Variants in LRRC49 observed in about 807,000 individuals in gnomAD.
LRRC49 encodes leucine rich repeat containing 49, also known as leucine-rich repeat-containing protein 49.
A neutral mutation model predicts 83.3 loss-of-function variants in LRRC49; 50 were observed. The observed-to-expected ratio is 0.60, with a 90% CI of 0.48 to 0.76. The LOEUF (loss-of-function observed/expected upper bound fraction) is 0.76. Ranked by LOEUF, LRRC49 falls within the 30% of genes least tolerant of loss-of-function variation. The probability of loss-of-function intolerance (pLI) is 0.00; values close to 1 mark genes in which losing one functional copy is unlikely to be tolerated. For missense variants in LRRC49, 704 were observed against 809.1 expected, an observed-to-expected ratio of 0.87 and a Z score of 1.58; for synonymous variants, 286 against 283.3, an observed-to-expected ratio of 1.01 and a Z score of -0.10.
At chr15:70,929,212 G>A (rs922596673) in intron 7 of LRRC49, among the ~76,000 whole-genome samples, 6 of 151,942 alleles carry the variant, frequency 3.9e-5, no homozygotes, top group African/African-American at 1.5e-4. Flanking sequence ...TTCTAATGCA[G>A]GTATACCTTA....
At chr15:71,041,823 A>G (rs1567114003) in intron 15 of LRRC49, among the ~76,000 whole-genome samples, 1 of 152,198 alleles carries the variant, frequency 6.6e-6, no homozygotes, top group Non-Finnish European at 1.5e-5. Flanking sequence ...AACAATGAGA[A>G]GAAGGCTAGC....
intron 7 of LRRC49, among the ~76,000 whole-genome samples, chr15:70,919,658 A>G (rs945956214): frequency 2.6e-5 from 4 of 152,202 alleles, no homozygotes; most frequent in African/African-American, 7.2e-5. Flanking sequence ...ACAGGGCATC[A>G]GAGGCCTAGT....
At chr15:70,892,663 G>A, upstream of LRRC49, 4 of 1,448,100 alleles carry the variant, frequency 2.8e-6, no homozygotes, top group Non-Finnish European at 2.7e-6. Context: ...TTATGAGGCT[G>A]GGAAAATAGA....
chr15:70,911,489 T>C, intron 5 of LRRC49, 43 bp from the exon 6 acceptor site: 1 of 1,086,038 alleles, frequency 9.2e-7, no homozygotes, highest in East Asian at 2.4e-5. Flanking sequence ...TACAGATAGA[T>C]GTGATACATC....
Position 70,853,931 on chromosome 15 carries a change from C to T in LRRC49, c.-299+462C>T, listed in dbSNP as rs1380250767. ...CTCCTCCTCGCTCGCGCTGCCCCAG[C>T]CGGGGCTGAGGTACCGGGCCGGGTC... On this transcript the variant is annotated intron_variant, in intron 1 of 16. Transcript: ENST00000544974. 7 of 1,419,828 alleles carry T rather than the reference C, an allele frequency of 4.9e-6. No individual in the cohort carries two copies. The East Asian group carries it at 1.9e-4, about 38-fold the overall frequency. 88.0% of individuals were successfully genotyped at this position (1,419,828 alleles called of 1,614,324 possible).
Position 70,904,652 on chromosome 15 carries a change from C to T in LRRC49, c.397C>T (p.Leu133=), listed in dbSNP as rs1046774345. 6.2e-7 allele frequency: 1 copy of T among 1,612,618 alleles called. No homozygotes were observed. Among genetic ancestry groups the T allele is most frequent in the South Asian group, 1.1e-5 (1 of 91,014 alleles). The change falls in exon 5 of 16, where the codon CTA becomes TTA. Residue 133 remains leucine (L), a synonymous_variant. Coordinates refer to ENST00000260382, the MANE Select transcript of LRRC49 (RefSeq NM_017691.5). Reference sequence around the variant, plus strand: ...AACTCGGATACAAAATATTTCTAATCTACAGAAGTTAATATCGTTGGATTT... The same window carrying T: ...AACTCGGATACAAAATATTTCTAATTTACAGAAGTTAATATCGTTGGATTT... ...FITRIQNISN[L]QKLISLDLYD...
intron 8 of LRRC49, among the ~76,000 whole-genome samples, chr15:70,953,536 C>G (rs980208461): frequency 3.9e-5 from 6 of 152,144 alleles, no homozygotes; most frequent in African/African-American, 1.4e-4. Flanking sequence ...AAGTTTTTCT[C>G]TAGATGCTTT....
chr15:70,875,361 G>T (rs909873877), intron 2 of LRRC49, among the ~76,000 whole-genome samples: 2 of 152,198 alleles, frequency 1.3e-5, no homozygotes, highest in Non-Finnish European at 2.9e-5. Flanking sequence ...TGGGTAAGGG[G>T]TTGATGGGTT....
intron 9 of LRRC49, among the ~76,000 whole-genome samples, chr15:70,966,268 G>A (rs545402313): frequency 1.1e-3 from 161 of 152,222 alleles, no homozygotes; most frequent in African/African-American, 3.7e-3. Flanking sequence ...TGCGTGCAGA[G>A]GATGCTGCAG....
intron 9 of LRRC49, among the ~76,000 whole-genome samples, chr15:70,977,383 G>T (rs1293119522): frequency 6.6e-6 from 1 of 152,088 alleles, no homozygotes; most frequent in Non-Finnish European, 1.5e-5. Context: ...GGTGGCTCAC[G>T]CCTGTAATTG....
chr15:70,873,160 C>G, exon 2 of LRRC49: 1 of 1,523,412 alleles, frequency 6.6e-7, no homozygotes, highest in Non-Finnish European at 8.8e-7. Flanking sequence ...GTTGGGATTA[C>G]AGGAGTGAGC....
chr15:70,939,541 A>G (rs2035726894), intron 8 of LRRC49, among the ~76,000 whole-genome samples: 1 of 152,142 alleles, frequency 6.6e-6, no homozygotes, highest in Admixed American at 6.5e-5. Context: ...TCTTGCCCAT[A>G]ATTTCTAGAG....
intron 14 of LRRC49, among the ~76,000 whole-genome samples, chr15:71,035,336 G>GT (rs201688580): frequency 0.016 from 2,437 of 151,654 alleles, 42 homozygotes; most frequent in Non-Finnish European, 0.026. Flanking sequence ...CATTATTATT[G>GT]TTTTTTTTAA....
rs193134010 is a variant in LRRC49, at chr15:71,011,467, A to G, written c.1594-1337A>G. ...TTAGAAAGAATTAGAAAGAACCAATATAATTTATTCTGATTTAAATTTCTG... is the reference window on the plus strand; with the variant it reads ...TTAGAAAGAATTAGAAAGAACCAATGTAATTTATTCTGATTTAAATTTCTG... On this transcript the variant is annotated intron_variant, in intron 13 of 15. Transcript: ENST00000260382. Among the ~76,000 whole-genome samples the G allele has an allele frequency of 2.4e-3, 358 of 152,268 alleles. 1 individual carries two copies. Among genetic ancestry groups the G allele is most frequent in the Non-Finnish European group, 3.4e-3 (234 of 68,008 alleles).
At chr15:70,950,680 T>G (rs1485341057) in intron 8 of LRRC49, among the ~76,000 whole-genome samples, 1 of 152,238 alleles carries the variant, frequency 6.6e-6, no homozygotes, top group Non-Finnish European at 1.5e-5. Context: ...GATGCATAGT[T>G]TGCAAATATT....
At chr15:71,029,112 C>A (rs2039267039) in intron 14 of LRRC49, among the ~76,000 whole-genome samples, 1 of 152,154 alleles carries the variant, frequency 6.6e-6, no homozygotes, top group African/African-American at 2.4e-5. Flanking sequence ...CTTAACACTG[C>A]TTTAGCTGTG....
intron 7 of LRRC49, 162 bp from the exon 8 acceptor site, chr15:70,936,599 T>C: frequency 1.8e-6 from 1 of 565,792 alleles, no homozygotes; most frequent in Non-Finnish European, 3.1e-6. Context: ...TCCCATTTAA[T>C]CTGCAGTGGA....
chr15:70,950,320 G>T (rs1050326727), intron 8 of LRRC49, among the ~76,000 whole-genome samples: 4 of 152,126 alleles, frequency 2.6e-5, no homozygotes, highest in African/African-American at 9.7e-5. Context: ...ACCCAATAGT[G>T]GTATTGCTGG....
At chr15:70,944,222 G>A (rs183638606) in intron 8 of LRRC49, among the ~76,000 whole-genome samples, 41 of 152,182 alleles carry the variant, frequency 2.7e-4, no homozygotes, top group Middle Eastern at 3.4e-3. Flanking sequence ...CCTCCAGGAC[G>A]GAAAGAGAGA....
Sources: gnomAD v4.1 joint callset for allele counts (sites outside exome capture counted in the v4.1 genomes callset) on GRCh38, gnomAD v4.1.1 for gene constraint, MANE v1.5 for transcripts, NCBI Gene and HGNC (gene_info 2026-07-23, HGNC 2026-07-21) for gene names.